The following NECAB1 variants were observed in gnomAD, a reference collection of about 807,000 sequenced individuals.
The protein encoded by NECAB1 is N-terminal EF-hand calcium-binding protein 1.
NECAB1 carries 29 observed loss-of-function variants against 57.5 expected under a neutral mutation model. The ratio of observed to expected loss-of-function variants is 0.50; its 90% CI spans 0.38 to 0.69. The LOEUF (loss-of-function observed/expected upper bound fraction) is 0.69. NECAB1 is among the 30% of genes least tolerant of loss of function. The probability of loss-of-function intolerance (pLI) is 0.00; values close to 1 mark genes in which losing one functional copy is unlikely to be tolerated. For synonymous variants in NECAB1, 142 were observed against 147.7 expected, an observed-to-expected ratio of 0.96 and a Z score of 0.28; for missense variants, 372 against 413.8, an observed-to-expected ratio of 0.90 and a Z score of 0.88.
At chr8:90,950,165 T>G (rs1810896568) in intron 11 of NECAB1, among the ~76,000 whole-genome samples, 1 of 152,010 alleles carries the variant, frequency 6.6e-6, no homozygotes, top group African/African-American at 2.4e-5. Flanking sequence ...GGGGTATGAG[T>G]GTCTAAAGCT....
intron 2 of NECAB1, among the ~76,000 whole-genome samples, chr8:90,810,646 A>C (rs1811943275): frequency 6.6e-6 from 1 of 152,216 alleles, no homozygotes; most frequent in African/African-American, 2.4e-5. Flanking sequence ...CTAATTTCTT[A>C]TAGGTTCTAA....
intron 3 of NECAB1, among the ~76,000 whole-genome samples, chr8:90,849,929 T>G (rs1037282962): frequency 1.3e-5 from 2 of 152,214 alleles, no homozygotes; most frequent in African/African-American, 4.8e-5. Flanking sequence ...CTTTTGCACT[T>G]GAACTCTTCA....
intron 3 of NECAB1, among the ~76,000 whole-genome samples, chr8:90,869,858 T>C (rs1808589589): frequency 6.6e-6 from 1 of 152,122 alleles, no homozygotes; most frequent in Non-Finnish European, 1.5e-5. Context: ...GAGAAGGACA[T>C]GAGATTTGGG....
chr8:90,852,914 A>G (rs1198032105), intron 3 of NECAB1, among the ~76,000 whole-genome samples: 1 of 152,228 alleles, frequency 6.6e-6, no homozygotes, highest in Non-Finnish European at 1.5e-5. Context: ...TGGATGCAAA[A>G]GGCTATCACA....
intron 3 of NECAB1, among the ~76,000 whole-genome samples, chr8:90,848,143 C>T (rs1350083719): frequency 6.6e-5 from 10 of 152,170 alleles, no homozygotes; most frequent in Admixed American, 5.9e-4. Context: ...TACCCTAAAT[C>T]ATCTCTCTCA....
At chr8:90,947,064 A>G (rs1342027583) in intron 10 of NECAB1, among the ~76,000 whole-genome samples, 1 of 152,140 alleles carries the variant, frequency 6.6e-6, no homozygotes, top group African/African-American at 2.4e-5. Context: ...ACAGAGCAAT[A>G]CATGTAGAAA....
At chr8:90,821,106 A>G (rs914980853) in intron 2 of NECAB1, among the ~76,000 whole-genome samples, 1 of 151,808 alleles carries the variant, frequency 6.6e-6, no homozygotes, top group African/African-American at 2.4e-5. Flanking sequence ...GTAACTCCCA[A>G]GCATACACCT....
At chr8:90,954,252 G>A (rs1014573910) in intron 12 of NECAB1, among the ~76,000 whole-genome samples, 6 of 151,766 alleles carry the variant, frequency 4.0e-5, no homozygotes, top group Admixed American at 1.3e-4. Flanking sequence ...GCTTTTTATG[G>A]TTAAGACTAC....
chr8:90,912,988 T>C (rs1176964499), intron 5 of NECAB1, among the ~76,000 whole-genome samples: 1 of 152,154 alleles, frequency 6.6e-6, no homozygotes, highest in Non-Finnish European at 1.5e-5. Context: ...CCTTGCTAAA[T>C]GTGATTGTTA....
chr8:90,899,146 G>C (rs1563524662), intron 5 of NECAB1, among the ~76,000 whole-genome samples: 1 of 152,228 alleles, frequency 6.6e-6, no homozygotes, highest in African/African-American at 2.4e-5. Context: ...CATAAGAGGA[G>C]TCCCCCCTGA....
chr8:90,796,041 T>C lies in NECAB1; in HGVS notation c.99+4056T>C, dbSNP rs80098743. Reference sequence around the variant, plus strand: ...ACTTAGTCTTACTGTTATCATACATTAAAAATTGTTTTCCCACACTGGGCC... The same window carrying C: ...ACTTAGTCTTACTGTTATCATACATCAAAAATTGTTTTCCCACACTGGGCC... On this transcript the variant is annotated intron_variant, in intron 1 of 12. Transcript: ENST00000417640. Among the ~76,000 whole-genome samples the C allele has an allele frequency of 5.4e-3, 817 of 152,270 alleles. 9 individuals carry two copies. Among genetic ancestry groups the C allele is most frequent in the African/African-American group, 0.018 (750 of 41,534 alleles).
chr8:90,941,689 CCTCAT>C (rs375982382), intron 10 of NECAB1, among the ~76,000 whole-genome samples: 17 of 152,218 alleles, frequency 1.1e-4, no homozygotes, highest in African/African-American at 3.9e-4. Flanking sequence ...ATTTGTTCTC[CCTCAT>C]CTAAACACTC....
At chr8:90,876,676 G>T (rs1808732926) in intron 4 of NECAB1, among the ~76,000 whole-genome samples, 1 of 152,084 alleles carries the variant, frequency 6.6e-6, no homozygotes, top group African/African-American at 2.4e-5. Flanking sequence ...TTTTTTGTTA[G>T]CATTTTAGTA....
At chr8:90,925,781 T>A in intron 7 of NECAB1, 125 bp downstream of exon 7, 3 of 1,309,132 alleles carry the variant, frequency 2.3e-6, no homozygotes, top group Non-Finnish European at 3.1e-6. Flanking sequence ...CCAAGTAAGT[T>A]TGAGACAGAA....
At chr8:90,932,423 CA>C (rs781164901) in intron 8 of NECAB1, among the ~76,000 whole-genome samples, 30 of 152,054 alleles carry the variant, frequency 2.0e-4, no homozygotes, top group African/African-American at 7.2e-4. Flanking sequence ...AAAAAAACAA[CA>C]AATCCATGAA....
chr8:90,857,247 ATAAGGCATC>A (rs1706611736), intron 3 of NECAB1, among the ~76,000 whole-genome samples: 1 of 152,198 alleles, frequency 6.6e-6, no homozygotes, highest in Non-Finnish European at 1.5e-5. Flanking sequence ...TTTGGGTAAC[ATAAGGCATC>A]TAAGAGGATT....
intron 5 of NECAB1, among the ~76,000 whole-genome samples, chr8:90,909,363 C>G (rs563668388): frequency 4.5e-4 from 65 of 144,736 alleles, no homozygotes; most frequent in African/African-American, 1.4e-3. Flanking sequence ...TATTTACTGT[C>G]TAGGCCTCTA....
intron 3 of NECAB1, among the ~76,000 whole-genome samples, chr8:90,871,820 A>G (rs1480301133): frequency 6.6e-6 from 1 of 152,176 alleles, no homozygotes; most frequent in East Asian, 1.9e-4. Flanking sequence ...TAAATTGCAG[A>G]GTCAGGATTT....
intron 5 of NECAB1, among the ~76,000 whole-genome samples, chr8:90,903,439 T>C (rs1809556353): frequency 6.6e-6 from 1 of 152,182 alleles, no homozygotes; most frequent in Non-Finnish European, 1.5e-5. Flanking sequence ...GTAGGTTTGT[T>C]ATAATAAAAG....
Sources: allele counts gnomAD v4.1 joint callset (sites outside exome capture counted in the v4.1 genomes callset), GRCh38; gene constraint gnomAD v4.1.1; transcripts MANE v1.5; gene names NCBI Gene and HGNC (gene_info 2026-07-23, HGNC 2026-07-21).